The following PIEZO2 variants were observed in gnomAD, a reference collection of about 807,000 sequenced individuals.
PIEZO2 encodes the protein piezo type mechanosensitive ion channel component 2.
Under a neutral mutation model 337.3 loss-of-function variants are expected in PIEZO2, and 172 were observed. The observed-to-expected ratio is 0.51, with a 90% CI of 0.45 to 0.58. PIEZO2 has a LOEUF of 0.58. PIEZO2 is among the 20% of genes least tolerant of loss of function. PIEZO2 has a pLI of 0.00. For synonymous variants in PIEZO2, 1,251 were observed against 1,228.5 expected, an observed-to-expected ratio of 1.02 and a Z score of -0.38; for missense variants, 3,028 against 3,391.3, an observed-to-expected ratio of 0.89 and a Z score of 2.66.
intron 49 of PIEZO2, among the ~76,000 whole-genome samples, chr18:10,688,371 G>A (rs757610751): frequency 4.6e-5 from 7 of 152,200 alleles, no homozygotes; most frequent in Non-Finnish European, 8.8e-5. Context: ...ATTCCATGGT[G>A]TGTATGTGCC....
chr18:11,127,803 A>ATGTGTGTGTGTGTGTGCATGTGTGTGTG lies in PIEZO2; in HGVS notation c.64+20721_64+20722insCACACACACATGCACACACACACACACA. On this transcript the variant is annotated intron_variant, in intron 1 of 55. Transcript: ENST00000674853. This position sits in a 1 kb window ranked among gnomAD's most constrained non-coding sequence, Gnocchi z 4.5. ...TGCATATACGTGTGTGTGTGTGTGC[A>ATGTGTGTGTGTGTGTGCATGTGTGTGTG]TGTGTGTGTGTGTGTGTGTGTGTAT... 6.8e-6 allele frequency among the ~76,000 whole-genome samples: 1 copy of ATGTGTGTGTGTGTGTGCATGTGTGTGTG among 146,830 alleles called. No individual in the cohort carries two copies. The highest frequency in any genetic ancestry group is 2.5e-5 in the African/African-American group (1 of 39,584).
At position 10,789,203 on chromosome 18, in the gene PIEZO2, A is replaced by T; in HGVS notation, c.2045T>A (p.Met682Lys). ...GACGTAGATCCAGTACTTGATGAAC[A>T]TGGCCACCACCAGATTGCCCAGGAC... ...MKVLGNLVVA[M>K]FIKYWIYVCG... Residue 682 changes from methionine (M) to lysine (K), a missense_variant, in exon 15 of 56, where the codon ATG (methionine) becomes AAG (lysine). By Grantham distance (95) the Met-to-Lys change is moderately conservative. Coordinates refer to ENST00000674853, the MANE Select transcript of PIEZO2 (RefSeq NM_001378183.1). 6.5e-7 allele frequency: 1 copy of T among 1,537,280 alleles called. No homozygotes were observed. The highest frequency in any genetic ancestry group is 8.7e-7 in the Non-Finnish European group (1 of 1,146,912).
intron 1 of PIEZO2, among the ~76,000 whole-genome samples, chr18:11,107,872 C>G (rs2039614895): frequency 1.3e-5 from 2 of 152,204 alleles, no homozygotes; most frequent in Non-Finnish European, 2.9e-5. Context: ...AAATCCAGAG[C>G]ACATATTTGC....
At chr18:10,695,432 A>C (rs2035037376) in intron 47 of PIEZO2, among the ~76,000 whole-genome samples, 1 of 152,196 alleles carries the variant, frequency 6.6e-6, no homozygotes, top group Non-Finnish European at 1.5e-5. Flanking sequence ...GGATCTTACC[A>C]GCCCTTTCCT....
rs1324128442 is a variant in PIEZO2, at chr18:11,027,215, G to A, written c.160+38912C>T. 6.6e-6 allele frequency among the ~76,000 whole-genome samples: 1 copy of A among 152,206 alleles called. No individual in the cohort carries two copies. Among genetic ancestry groups the A allele is most frequent in the Admixed American group, 6.5e-5 (1 of 15,290 alleles). ...AGACCCCAGAATATGGGTAGAACCT[G>A]GAGAGAGGAAAGCAAACAGCATTTG... On this transcript the variant is annotated intron_variant, in intron 2 of 55. Coordinates refer to ENST00000674853, the MANE Select transcript of PIEZO2 (RefSeq NM_001378183.1). This position sits in a 1 kb window ranked among gnomAD's most constrained non-coding sequence, Gnocchi z 4.2.
chr18:10,873,982 G>A (rs2042203250), intron 4 of PIEZO2, among the ~76,000 whole-genome samples: 2 of 152,030 alleles, frequency 1.3e-5, no homozygotes, highest in African/African-American at 4.8e-5. Context: ...ATTATATCAA[G>A]CTAAAGAGTT....
intron 9 of PIEZO2, among the ~76,000 whole-genome samples, chr18:10,802,099 A>C (rs1229566538): frequency 6.6e-6 from 1 of 151,612 alleles, no homozygotes; most frequent in African/African-American, 2.4e-5. Context: ...AAAAAAAAAA[A>C]AAAAAAAGAA....
intron 1 of PIEZO2, among the ~76,000 whole-genome samples, chr18:11,093,927 C>T (rs28391643): frequency 0.23 from 34,434 of 151,790 alleles, 4,694 homozygotes; most frequent in African/African-American, 0.37. Context: ...GCATAAGTCT[C>T]GGATAGCTAA....
chr18:11,024,272 G>A (rs1216745577), intron 2 of PIEZO2, among the ~76,000 whole-genome samples: 2 of 152,112 alleles, frequency 1.3e-5, no homozygotes, highest in East Asian at 1.9e-4. Context: ...TAGGCCGGGC[G>A]CGGTGGTTCA....
At chr18:11,008,427 G>C in intron 2 of PIEZO2, among the ~76,000 whole-genome samples, 1 of 152,128 alleles carries the variant, frequency 6.6e-6, no homozygotes, top group Admixed American at 6.5e-5. Context: ...TTAACCCTCA[G>C]GACGACCTAA....
chr18:10,704,762 G>A (rs569202856), intron 41 of PIEZO2, 110 bp from the exon 42 acceptor site: 87 of 1,275,200 alleles, frequency 6.8e-5, no homozygotes, highest in Admixed American at 4.2e-4. Flanking sequence ...TTGGCTCACT[G>A]CAACCTCCGC....
At chr18:10,753,571 T>G (rs1176820424) in intron 27 of PIEZO2, among the ~76,000 whole-genome samples, 2 of 152,232 alleles carry the variant, frequency 1.3e-5, no homozygotes, top group African/African-American at 2.4e-5. Context: ...AAGTCCCAAC[T>G]GCATTTCTTG....
chr18:11,058,116 G>T (rs1385202959), intron 2 of PIEZO2, among the ~76,000 whole-genome samples: 1 of 152,160 alleles, frequency 6.6e-6, no homozygotes, highest in Non-Finnish European at 1.5e-5. Flanking sequence ...GTTTAAGACT[G>T]CCCCAAGACA....
intron 1 of PIEZO2, among the ~76,000 whole-genome samples, chr18:11,085,612 T>TA (rs1300548247): frequency 6.6e-6 from 1 of 152,054 alleles, no homozygotes; most frequent in East Asian, 1.9e-4. Flanking sequence ...GGCAATAAAC[T>TA]AAAAGCCAGT....
In PIEZO2 at chr18:10,724,963, G is replaced by A. The variant is rs1196484633; in HGVS notation, c.5029+6444C>T. The A allele has an allele frequency of 6.3e-7, 1 of 1,584,048 alleles. No individual in the cohort carries two copies. Among genetic ancestry groups the A allele is most frequent in the Non-Finnish European group, 8.6e-7 (1 of 1,158,726 alleles). On this transcript the variant is annotated intron_variant, in intron 36 of 55. Coordinates refer to ENST00000674853, the MANE Select transcript of PIEZO2 (RefSeq NM_001378183.1). The surrounding 1 kb of genome is among the most constrained non-coding windows in gnomAD (Gnocchi z 5.8). ...CCCAGGTGGGCGCACCCTGCGGCCTGCAGCCTCCCTGCCTCACATTACTAA... is the reference window on the plus strand; with the variant it reads ...CCCAGGTGGGCGCACCCTGCGGCCTACAGCCTCCCTGCCTCACATTACTAA...
chr18:10,698,276 A>C (rs2035186023), intron 44 of PIEZO2, among the ~76,000 whole-genome samples: 1 of 152,212 alleles, frequency 6.6e-6, no homozygotes, highest in African/African-American at 2.4e-5. Context: ...GCAGGTTCTG[A>C]AGATGACTAT....
chr18:11,055,147 C>T (rs891258785), intron 2 of PIEZO2, among the ~76,000 whole-genome samples: 2 of 136,820 alleles, frequency 1.5e-5, no homozygotes, highest in Non-Finnish European at 3.0e-5. Flanking sequence ...GGAGGCAGAG[C>T]TTGCAGTGAG....
At position 11,143,639 on chromosome 18, in the gene PIEZO2, A is replaced by T. The variant is rs7244154; in HGVS notation, c.64+4886T>A. 0.6 allele frequency among the ~76,000 whole-genome samples: 55,301 copies of T among 91,420 alleles called. 14,983 individuals carry two copies. Among genetic ancestry groups the T allele is most frequent in the Non-Finnish European group, 0.66 (33,327 of 50,740 alleles). The allele number at this position is 91,420 out of a possible 152,430, so 60.0% of individuals were successfully genotyped here. A position where few individuals can be genotyped will look rare whatever the true frequency, so the allele number is the denominator to read the frequency against. ...CACACACACACACACACACACACAC[A>T]CTCTCTCTCTCTCTCTCTCTCTCTC... On this transcript the variant is annotated intron_variant, in intron 1 of 55. Transcript: ENST00000674853. The surrounding 1 kb of genome is among the most constrained non-coding windows in gnomAD (Gnocchi z 4.9).
In PIEZO2 at chr18:11,109,238, C is replaced by T. The variant is rs7359782; in HGVS notation, c.64+39287G>A. On this transcript the variant is annotated intron_variant, in intron 1 of 55. Transcript: ENST00000674853. This position sits in a 1 kb window ranked among gnomAD's most constrained non-coding sequence, Gnocchi z 5.1. ...GGAGATTTTATTAGCACTTTATGGT[C>T]CACATGATCATTTAAGGAGGGTAAA... Among the ~76,000 whole-genome samples the T allele has an allele frequency of 0.21, 32,342 of 152,198 alleles. 4,194 individuals carry two copies. The highest frequency in any genetic ancestry group is 0.33 in the South Asian group (1,603 of 4,824).
Sources: allele counts gnomAD v4.1 joint callset (sites outside exome capture counted in the v4.1 genomes callset), GRCh38; gene constraint gnomAD v4.1.1; non-coding constraint Gnocchi (gnomAD v3.1); transcripts MANE v1.5; gene names NCBI Gene and HGNC (gene_info 2026-07-23, HGNC 2026-07-21).